The following UBE2V2 variants were observed in gnomAD, a reference collection of about 807,000 sequenced individuals.
The protein encoded by UBE2V2 is ubiquitin-conjugating enzyme E2 variant 2.
A neutral mutation model predicts 17.2 loss-of-function variants in UBE2V2; 9 were observed. The ratio of observed to expected loss-of-function variants is 0.52; its 90% confidence interval spans 0.32 to 0.91. The LOEUF is 0.91. UBE2V2 is among the 40% of genes least tolerant of loss of function. UBE2V2 has a pLI of 0.04. For missense variants in UBE2V2, 133 were observed against 182.6 expected (o/e 0.73, Z 1.56); for synonymous variants, 61 against 57.5 (o/e 1.06, Z -0.28).
intron 1 of UBE2V2, among the ~76,000 whole-genome samples, chr8:48,039,387 T>A (rs2091446475): frequency 6.6e-6 from 1 of 152,164 alleles, no homozygotes; most frequent in Non-Finnish European, 1.5e-5. Context: ...TATTTGTCAG[T>A]TTGGTGGCTA....
chr8:48,049,873 A>C lies in UBE2V2; in HGVS notation c.186A>C (p.Ile62=), dbSNP rs774994508. 1.6e-5 allele frequency: 26 copies of C among 1,591,892 alleles called. No individual in the cohort carries two copies. Among genetic ancestry groups the C allele is most frequent in the Non-Finnish European group, 2.1e-5 (25 of 1,172,902 alleles). The change falls in exon 3 of 4, where the codon ATA becomes ATC. Residue 62 remains isoleucine, a synonymous_variant. Coordinates refer to ENST00000523111, the MANE Select transcript of UBE2V2 (RefSeq NM_003350.3). ...GPPRTNYENR[I]YSLKVECGPK... The stretch of plus-strand genomic sequence containing the variant: ...TCCAGACAAATTATGAAAACAGAAT[A>C]TATAGCCTGAAAGTAGAATGTGGAC...
upstream of UBE2V2, among the ~76,000 whole-genome samples, chr8:48,007,539 G>T (rs1186344196): frequency 6.8e-6 from 1 of 147,008 alleles, no homozygotes. Context: ...AAATACCTAG[G>T]AATACAACCT....
upstream of UBE2V2, chr8:48,008,409 C>A: frequency 6.4e-7 from 1 of 1,555,250 alleles, no homozygotes. Flanking sequence ...TGACGCGCGA[C>A]GGTTCGTGCG....
chr8:48,011,728 A>C (rs2091233235), intron 1 of UBE2V2, among the ~76,000 whole-genome samples: 1 of 152,216 alleles, frequency 6.6e-6, no homozygotes, highest in South Asian at 2.1e-4. Context: ...ATCATGGCTC[A>C]CTGCAGCCTC....
the UBE2V2 span, among the ~76,000 whole-genome samples, chr8:47,999,311 T>C: frequency 6.6e-6 from 1 of 151,526 alleles, no homozygotes; most frequent in African/African-American, 2.4e-5. Flanking sequence ...AAGTGGACCA[T>C]CCAGAGGCAA....
chr8:48,008,468 C>G lies in UBE2V2; in HGVS notation c.14C>G (p.Thr5Arg). 4 of 1,568,400 alleles carry G rather than the reference C, an allele frequency of 2.6e-6. No homozygotes were observed. The highest frequency in any genetic ancestry group is 3.5e-6 in the Non-Finnish European group (4 of 1,159,314). Residue 5 changes from threonine to arginine, a missense_variant and splice_region_variant, in exon 1 of 4, where the codon ACA becomes AGA. Around this residue, in one of 3 missense-constraint regions of UBE2V2, gnomAD observed 27 missense variants for 20.1 expected, o/e 1.34. Transcript: ENST00000523111. ...CTGCAGGAGAAGATGGCGGTCTCCA[C>G]AGGTCGGTTCCCGGGCCGGGCTGCG... MAVS[T>R]GVKVPRNFRL...
chr8:48,054,953 G>A (rs904547964), intron 3 of UBE2V2, among the ~76,000 whole-genome samples: 3 of 145,910 alleles, frequency 2.1e-5, no homozygotes, highest in Non-Finnish European at 4.5e-5. Context: ...GCACCCTGTT[G>A]GTATTTCACA....
chr8:48,052,574 C>A (rs1585444333), intron 3 of UBE2V2, among the ~76,000 whole-genome samples: 1 of 152,296 alleles, frequency 6.6e-6, no homozygotes, highest in South Asian at 2.1e-4. Context: ...ATTTACATTG[C>A]CACCAAGTGA....
intron 1 of UBE2V2, among the ~76,000 whole-genome samples, chr8:48,033,393 C>G (rs996645380): frequency 6.6e-6 from 1 of 151,974 alleles, no homozygotes; most frequent in Non-Finnish European, 1.5e-5. Flanking sequence ...ACCGTGTTGG[C>G]CAGGCTGGTC....
At chr8:48,009,075 G>A (rs982079865) in intron 1 of UBE2V2, among the ~76,000 whole-genome samples, 1 of 152,126 alleles carries the variant, frequency 6.6e-6, no homozygotes, top group Non-Finnish European at 1.5e-5. Flanking sequence ...GCTAATTGAA[G>A]AACAAGTGGT....
At chr8:48,000,264 C>CA in the UBE2V2 span, among the ~76,000 whole-genome samples, 1 of 152,204 alleles carries the variant, frequency 6.6e-6, no homozygotes. Context: ...AAAATGTCTA[C>CA]AGATGTAATC....
chr8:48,050,197 G>A, intron 3 of UBE2V2: 1 of 315,682 alleles, frequency 3.2e-6, no homozygotes, highest in Non-Finnish European at 5.7e-6. Flanking sequence ...TAATGTACTT[G>A]CCTAGAATAG....
At chr8:48,025,334 C>T (rs1475590585) in intron 1 of UBE2V2, among the ~76,000 whole-genome samples, 2 of 150,790 alleles carry the variant, frequency 1.3e-5, no homozygotes, top group Non-Finnish European at 2.9e-5. Context: ...GTGGTGCGAT[C>T]TCGGCTCACT....
intron 1 of UBE2V2, among the ~76,000 whole-genome samples, chr8:48,023,919 A>G (rs548901610): frequency 2.5e-4 from 38 of 152,258 alleles, no homozygotes; most frequent in South Asian, 6.2e-4. Context: ...GTTTGTTTCA[A>G]ACGTAGTTCA....
rs1331416508 is a variant in UBE2V2, at chr8:48,042,903, C to T, written c.17-130C>T. 4 of 949,116 alleles carry T rather than the reference C, an allele frequency of 4.2e-6. No homozygotes were observed. The African/African-American group carries it at 6.7e-5, about 16-fold the overall frequency. 58.8% of individuals were successfully genotyped at this position (949,116 alleles called of 1,614,324 possible). On this transcript the variant is annotated intron_variant, in intron 1 of 3. Coordinates refer to ENST00000523111, the MANE Select transcript of UBE2V2 (RefSeq NM_003350.3). ...ATTCAGCATTTTCTGGAGCAGAATG[C>T]TTTTTAAAGGGGATTTGGTCTTTTT...
chr8:48,019,974 A>G (rs2091293803), intron 1 of UBE2V2, among the ~76,000 whole-genome samples: 1 of 152,162 alleles, frequency 6.6e-6, no homozygotes, highest in African/African-American at 2.4e-5. Context: ...GACTCTGTCT[A>G]AAAAGAAAAA....
intron 1 of UBE2V2, among the ~76,000 whole-genome samples, chr8:48,023,229 T>G (rs1253363892): frequency 2.6e-5 from 4 of 151,906 alleles, no homozygotes; most frequent in African/African-American, 9.7e-5. Flanking sequence ...ACTTTTTTTT[T>G]TTTTTGAGAC....
chr8:48,055,185 AG>A (rs1373053884), intron 3 of UBE2V2, among the ~76,000 whole-genome samples: 1 of 148,508 alleles, frequency 6.7e-6, no homozygotes, highest in Non-Finnish European at 1.5e-5. Flanking sequence ...TTACTCTTTT[AG>A]TTAGTTTCTT....
chr8:48,064,657 A>C lies in UBE2V2; in HGVS notation c.*3829A>C, dbSNP rs1446540322. On this transcript the variant is annotated 3_prime_UTR_variant, in exon 4 of 4. Coordinates refer to ENST00000523111, the MANE Select transcript of UBE2V2 (RefSeq NM_003350.3). ...AAGGTATTTAATGATATAGGAAATA[A>C]GTGACAAGTTAAAGTCCATTTTGTT... The C allele has an allele frequency of 6.6e-6, 1 of 152,062 alleles. No homozygotes were observed. Among genetic ancestry groups the C allele is most frequent in the Non-Finnish European group, 1.5e-5 (1 of 68,010 alleles). 9.4% of individuals were successfully genotyped at this position (152,062 alleles called of 1,614,324 possible). A position where few individuals can be genotyped will look rare whatever the true frequency, so the allele number is the denominator to read the frequency against.
Sources: gnomAD v4.1 joint callset for allele counts (sites outside exome capture counted in the v4.1 genomes callset) on GRCh38, gnomAD v4.1.1 for gene constraint, gnomAD v4.1.1 regional missense constraint, MANE v1.5 for transcripts, NCBI Gene and HGNC (gene_info 2026-07-23, HGNC 2026-07-21) for gene names.